Variants in NCOR2 observed in about 807,000 individuals in gnomAD.
NCOR2 encodes CTG repeat protein 26.
NCOR2 carries 81 observed loss-of-function variants against 262.9 expected under a neutral mutation model. That is an observed-to-expected ratio of 0.31 (90% CI 0.26 to 0.37). The LOEUF (loss-of-function observed/expected upper bound fraction) is 0.37. Among genes scored for constraint, NCOR2 ranks in the 10% least tolerant of loss-of-function variants. NCOR2 has a pLI of 1.00. For missense variants in NCOR2, 3,385 were observed against 3,621.4 expected (o/e 0.93, Z 1.68); for synonymous variants, 1,659 against 1,559.3 (o/e 1.06, Z -1.51).
intron 12 of NCOR2, among the ~76,000 whole-genome samples, chr12:124,421,731 C>A (rs2136300782): frequency 6.6e-6 from 1 of 152,366 alleles, no homozygotes; most frequent in East Asian, 1.9e-4. Flanking sequence ...CCTTTCTCCT[C>A]TGACCCCAAG....
rs1394357056 is a variant in NCOR2, at chr12:124,432,336, G to C, written c.883-1549C>G. Among the ~76,000 whole-genome samples, 1 of 152,200 alleles carries C rather than the reference G, an allele frequency of 6.6e-6. No homozygotes were observed. Among genetic ancestry groups the C allele is most frequent in the East Asian group, 1.9e-4 (1 of 5,204 alleles). On this transcript the variant is annotated intron_variant, in intron 8 of 46. Transcript: ENST00000405201. This position sits in a 1 kb window ranked among gnomAD's most constrained non-coding sequence, Gnocchi z 5.1. ...CCCACAGACTTCCCCTGAGGACACGGTCACCTCCCTTCCTGGTGAACCGGC... is the reference window on the plus strand; with the variant it reads ...CCCACAGACTTCCCCTGAGGACACGCTCACCTCCCTTCCTGGTGAACCGGC...
At position 124,454,733 on chromosome 12, in the gene NCOR2, A is replaced by G. The variant is rs2045742459; in HGVS notation, c.762+2373T>C. 6.6e-6 allele frequency among the ~76,000 whole-genome samples: 1 copy of G among 151,462 alleles called. No homozygotes were observed. The highest frequency in any genetic ancestry group is 1.5e-5 in the Non-Finnish European group (1 of 67,868). On this transcript the variant is annotated intron_variant, in intron 6 of 46. Coordinates refer to ENST00000405201, the Ensembl canonical transcript of NCOR2. This position sits in a 1 kb window ranked among gnomAD's most constrained non-coding sequence, Gnocchi z 5.6. ...TACGGCCACTTTTCGGCCACTTTGG[A>G]AAACAGTTGGGCAGTTCCTCAAGGG...
At chr12:124,369,059 ACTGT>A (rs1398592486) in intron 20 of NCOR2, among the ~76,000 whole-genome samples, 8 of 152,232 alleles carry the variant, frequency 5.3e-5, no homozygotes, top group Admixed American at 5.2e-4. Flanking sequence ...CTGAGCGCCC[ACTGT>A]GGCCCGTCAT....
At chr12:124,427,665 T>A (rs927409641) in intron 10 of NCOR2, among the ~76,000 whole-genome samples, 5 of 152,168 alleles carry the variant, frequency 3.3e-5, no homozygotes, top group Admixed American at 6.5e-5. Flanking sequence ...CCCAAGAGGC[T>A]GGCATCTGTC....
intron 4 of NCOR2, among the ~76,000 whole-genome samples, chr12:124,472,644 C>A (rs969847419): frequency 6.6e-6 from 1 of 152,164 alleles, no homozygotes; most frequent in Non-Finnish European, 1.5e-5. Flanking sequence ...AATGCGGCAG[C>A]CTGTGTGGCT....
At position 124,400,360 on chromosome 12, in the gene NCOR2, G is replaced by A. The variant is rs79859567; in HGVS notation, c.1813+141C>T. 0.016 allele frequency: 17,942 copies of A among 1,139,216 alleles called. 1,303 individuals carry two copies. In the East Asian group the frequency reaches 0.21, roughly 13 times the overall value. 70.6% of individuals were successfully genotyped at this position (1,139,216 alleles called of 1,614,324 possible). A position where few individuals can be genotyped will look rare whatever the true frequency, so the allele number is the denominator to read the frequency against. On this transcript the variant is annotated intron_variant, in intron 15 of 46. Coordinates refer to ENST00000405201, the Ensembl canonical transcript of NCOR2. ...CCACACAGCACATCCAGTAGGTAGC[G>A]CTGGGATTTGACTCCAACCATGACT...
upstream of NCOR2, among the ~76,000 whole-genome samples, chr12:124,535,946 G>A (rs931990052): frequency 4.6e-5 from 7 of 152,040 alleles, no homozygotes; most frequent in African/African-American, 1.7e-4. Flanking sequence ...CTAGGCTACT[G>A]GGAAACTGCC....
rs1048098698 is a variant in NCOR2, at chr12:124,482,302, C to T, written c.411+1294G>A. On this transcript the variant is annotated intron_variant, in intron 3 of 46. Coordinates refer to ENST00000405201, the Ensembl canonical transcript of NCOR2. The surrounding 1 kb of genome is among the most constrained non-coding windows in gnomAD (Gnocchi z 6.3). ...GGGTATCTGGCAGGTGTGCAGGTGT[C>T]GGGGCCACAGCCACTCAGAGCAGGA... Among the ~76,000 whole-genome samples the T allele has an allele frequency of 1.3e-5, 2 of 151,926 alleles. No individual in the cohort carries two copies. The highest frequency in any genetic ancestry group is 2.9e-5 in the Non-Finnish European group (2 of 67,930).
chr12:124,375,723 A>C (rs1394034186), intron 18 of NCOR2, among the ~76,000 whole-genome samples: 1 of 152,240 alleles, frequency 6.6e-6, no homozygotes, highest in Non-Finnish European at 1.5e-5. Context: ...GCTATGCCTC[A>C]GTCTCCCCAT....
intron 1 of NCOR2, among the ~76,000 whole-genome samples, chr12:124,547,067 G>A (rs1180689939): frequency 6.6e-6 from 1 of 152,066 alleles, no homozygotes; most frequent in Non-Finnish European, 1.5e-5. Context: ...TCGGCTCACT[G>A]CAACCTCGAC....
At chr12:124,558,532 C>A (rs1332604375) in intron 1 of NCOR2, among the ~76,000 whole-genome samples, 2 of 152,204 alleles carry the variant, frequency 1.3e-5, no homozygotes, top group Non-Finnish European at 1.5e-5. Flanking sequence ...CAGGAGGCGG[C>A]TGCAGTCCCA....
intron 5 of NCOR2, among the ~76,000 whole-genome samples, chr12:124,458,802 T>C (rs567617491): frequency 1.3e-5 from 2 of 152,162 alleles, no homozygotes; most frequent in Non-Finnish European, 2.9e-5. Context: ...GGGACTAGTA[T>C]TTCCGGTGGA....
chr12:124,470,195 G>A (rs954553694), intron 4 of NCOR2, among the ~76,000 whole-genome samples: 8 of 151,590 alleles, frequency 5.3e-5, no homozygotes, highest in African/African-American at 1.5e-4. Flanking sequence ...GCTGGGGGGC[G>A]GTCGGTGAGG....
chr12:124,334,236 C>T (rs1244088), intron 41 of NCOR2, 188 bp downstream of exon 43: 507,351 of 513,152 alleles, frequency 0.99, 251,057 homozygotes, highest in East Asian at 1. Flanking sequence ...CATGTACTTT[C>T]ATCAGCTATT....
chr12:124,344,512 G>A (rs1194856086), intron 32 of NCOR2, 85 bp downstream of exon 34: 5 of 1,254,864 alleles, frequency 4.0e-6, no homozygotes, highest in African/African-American at 1.5e-5. Flanking sequence ...TATCCCAGGT[G>A]CAAACTAAGC....
intron 10 of NCOR2, among the ~76,000 whole-genome samples, chr12:124,428,086 T>TGTGTGTGTGTGTGTGCGTGCGTGC (rs958627720): frequency 1.4e-5 from 2 of 147,054 alleles, no homozygotes; most frequent in Non-Finnish European, 3.0e-5. Flanking sequence ...TGTGTGTGTG[T>TGTGTGTGTGTGTGTGCGTGCGTGC]GTACATGCAA....
At chr12:124,542,039 G>A (rs180747394) in intron 1 of NCOR2, among the ~76,000 whole-genome samples, 1 of 151,644 alleles carries the variant, frequency 6.6e-6, no homozygotes, top group South Asian at 2.1e-4. Flanking sequence ...CAGGGCCAGC[G>A]AGGACACCTT....
chr12:124,379,350 C>T (rs1406686675), intron 17 of NCOR2, among the ~76,000 whole-genome samples: 1 of 152,246 alleles, frequency 6.6e-6, no homozygotes, highest in East Asian at 1.9e-4. Context: ...GTCTTGGTAG[C>T]TCACTGGGGT....
intron 1 of NCOR2, among the ~76,000 whole-genome samples, chr12:124,506,485 T>C (rs560319682): frequency 1.3e-5 from 2 of 152,212 alleles, no homozygotes; most frequent in African/African-American, 2.4e-5. Flanking sequence ...CCCCTCCTTT[T>C]TTTTTTGTTT....
Sources: allele counts gnomAD v4.1 joint callset (sites outside exome capture counted in the v4.1 genomes callset), GRCh38; gene constraint gnomAD v4.1.1; non-coding constraint Gnocchi (gnomAD v3.1); transcripts MANE v1.5; gene names NCBI Gene and HGNC (gene_info 2026-07-23, HGNC 2026-07-21).